The following FAM76B variants were observed in gnomAD, a reference collection of about 807,000 sequenced individuals.
FAM76B encodes protein FAM76B.
Under a neutral mutation model 51.8 loss-of-function variants are expected in FAM76B, and 16 were observed. The ratio of observed to expected loss-of-function variants is 0.31; its 90% CI spans 0.21 to 0.47. The LOEUF (loss-of-function observed/expected upper bound fraction) is 0.47, where lower values mean the gene tolerates loss of function less well. Ranked by LOEUF, FAM76B falls within the 20% of genes least tolerant of loss-of-function variation. The pLI is 1.00. For missense variants in FAM76B, 342 were observed against 392.6 expected (o/e 0.87, Z 1.09); for synonymous variants, 166 against 129.5 (o/e 1.28, Z -1.91).
chr11:95,787,732 G>A lies in FAM76B; in HGVS notation c.153-54C>T, dbSNP rs530037171. 3.2e-5 allele frequency: 45 copies of A among 1,399,174 alleles called. No individual in the cohort carries two copies. The East Asian group carries it at 9.2e-4, about 29-fold the overall frequency. The allele number at this position is 1,399,174 out of a possible 1,614,324, so 86.7% of individuals were successfully genotyped here. On this transcript the variant is annotated intron_variant, in intron 2 of 9. Coordinates refer to ENST00000358780, the MANE Select transcript of FAM76B (RefSeq NM_144664.5). ...TTTATGTAGCTTTCTAAAGTAATTA[G>A]CACAATGTCAAAATAAAATGAGTCA...
intron 2 of FAM76B, among the ~76,000 whole-genome samples, chr11:95,787,921 T>C (rs932529535): frequency 6.6e-5 from 10 of 152,236 alleles, no homozygotes; most frequent in African/African-American, 1.9e-4. Context: ...GTTTCCTATA[T>C]AGCTCCAAAA....
intron 9 of FAM76B, among the ~76,000 whole-genome samples, chr11:95,774,706 T>C (rs1330815480): frequency 1.5e-5 from 2 of 135,414 alleles, no homozygotes; most frequent in African/African-American, 2.5e-5. Context: ...CATTGACTAA[T>C]ATATAAGAAT....
chr11:95,788,778 G>T (rs2120323157), intron 1 of FAM76B: 13 of 1,446,602 alleles, frequency 9.0e-6, no homozygotes, highest in East Asian at 5.2e-5. Context: ...AGACGTGGGG[G>T]TATATTACAG....
intron 5 of FAM76B, among the ~76,000 whole-genome samples, chr11:95,781,318 C>G (rs897501046): frequency 6.6e-6 from 1 of 152,070 alleles, no homozygotes; most frequent in Non-Finnish European, 1.5e-5. Flanking sequence ...ATGAATGCTC[C>G]TCATTTTCAT....
At chr11:95,780,321 ATT>A (rs1009095425) in intron 5 of FAM76B, among the ~76,000 whole-genome samples, 2 of 151,894 alleles carry the variant, frequency 1.3e-5, no homozygotes, top group African/African-American at 4.8e-5. Context: ...TGAAGTAGAG[ATT>A]CTTCTTTTGG....
intron 4 of FAM76B, 67 bp downstream of exon 4, chr11:95,786,052 A>G: frequency 1.3e-6 from 2 of 1,556,114 alleles, no homozygotes; most frequent in Non-Finnish European, 1.7e-6. Context: ...TGTATTAATT[A>G]TAATTTCCAA....
intron 9 of FAM76B, 21 bp from the exon 10 acceptor site, chr11:95,771,671 C>T (rs555495615): frequency 4.3e-5 from 68 of 1,574,278 alleles, no homozygotes; most frequent in Non-Finnish European, 5.7e-5. Flanking sequence ...CAAAAACATT[C>T]AAGATTAAAA....
rs1287691102 is a variant in FAM76B at position 95,771,910 on chromosome 11, A to T, written c.931-260T>A. Among the ~76,000 whole-genome samples the T allele has an allele frequency of 4.0e-5, 6 of 151,200 alleles. No homozygotes were observed. The East Asian group carries it at 1.2e-3, about 29-fold the overall frequency. The stretch of plus-strand genomic sequence containing the variant: ...TGTCCAAAGATGCACAATTGGTTAC[A>T]AAAAAGGAAACAAAGTGAATCCACT... On this transcript the variant is annotated intron_variant, in intron 9 of 9. Transcript: ENST00000358780.
rs779006447 is a variant in FAM76B, at chr11:95,779,599, A to G, written c.692+8T>C. 1.2e-6 allele frequency: 2 copies of G among 1,600,340 alleles called. No individual in the cohort carries two copies. Among genetic ancestry groups the G allele is most frequent in the Admixed American group, 3.5e-5 (2 of 57,626 alleles). ...AATTTTCATAACACTAAAAGAATTC[A>G]TTTTTACCTATCTCCATTAGATGGC... On this transcript the variant is annotated splice_region_variant and intron_variant, in intron 7 of 9. Coordinates refer to ENST00000358780, the MANE Select transcript of FAM76B (RefSeq NM_144664.5).
At chr11:95,783,357 C>T in intron 4 of FAM76B, 93 bp from the exon 5 acceptor site, 16 of 1,032,034 alleles carry the variant, frequency 1.6e-5, no homozygotes, top group Non-Finnish European at 2.3e-5. Context: ...CACCTATATT[C>T]CACACGTAAC....
At position 95,789,461 on chromosome 11, in the gene FAM76B, C is replaced by G; in HGVS notation, c.18G>C (p.Leu6=). The G allele has an allele frequency of 6.2e-7, 1 of 1,608,064 alleles. No individual in the cohort carries two copies. Among genetic ancestry groups the G allele is most frequent in the Non-Finnish European group, 8.5e-7 (1 of 1,177,634 alleles). Residue 6 remains leucine, a synonymous_variant, in exon 1 of 10, where the codon CTG becomes CTC. Coordinates refer to ENST00000358780, the MANE Select transcript of FAM76B (RefSeq NM_144664.5). ...GCTGGGTACACTTGGTGCAGGCGTA[C>G]AGGGCCGAGGCCGCCATCCTGCTCC... MAASA[L]YACTKCTQRY...
intron 5 of FAM76B, 87 bp downstream of exon 5, chr11:95,782,978 T>A (rs201607708): frequency 6.6e-7 from 1 of 1,516,750 alleles, no homozygotes; most frequent in East Asian, 2.3e-5. Flanking sequence ...GACTAGCACA[T>A]AGTCAATATT....
At chr11:95,785,441 ACCAAGTTTTTATCTTCTGTTTGTTC>A in intron 4 of FAM76B, among the ~76,000 whole-genome samples, 1 of 152,310 alleles carries the variant, frequency 6.6e-6, no homozygotes, top group East Asian at 1.9e-4. Context: ...TAAAAATAAA[ACCAAGTTTTTATCTTCTGTTTGTTC>A]ACATGTATTC....
rs59241219 is a variant in FAM76B, at chr11:95,776,930, T to TA, written c.829-908dup. Among the ~76,000 whole-genome samples the TA allele has an allele frequency of 1.9e-3, 276 of 144,570 alleles. 1 individual carries two copies. The highest frequency in any genetic ancestry group is 4.5e-3 in the African/African-American group (179 of 39,958). The allele number at this position is 144,570 out of a possible 152,430, so 94.8% of individuals were successfully genotyped here. ...AAATCATGGAGTCTTATAGTCTTATTAAAAAAAAAAACCCTTGCTTTTGTC... is the reference window on the plus strand; with the variant it reads ...AAATCATGGAGTCTTATAGTCTTATTAAAAAAAAAAAACCCTTGCTTTTGTC... On this transcript the variant is annotated intron_variant, in intron 8 of 9. Transcript: ENST00000358780.
In FAM76B at chr11:95,783,152, G is replaced by A. The variant is rs1860366780; in HGVS notation, c.476C>T (p.Ser159Leu). ...LGSSHSNSSS[S>L]SLTEKDQHHP... is the part of the protein sequence containing the mutation. Reference sequence around the variant, plus strand: ...ATGCTGGTCTTTCTCAGTAAGAGATGAAGAAGATGAATTTGAATGTGAAGA... The same window carrying A: ...ATGCTGGTCTTTCTCAGTAAGAGATAAAGAAGATGAATTTGAATGTGAAGA... The change falls in exon 5 of 10, where the codon TCA becomes TTA. Residue 159 changes from serine to leucine, a missense_variant. Physicochemically the swap from Ser to Leu is moderately radical, Grantham distance 145 (BLOSUM62 -2). This residue lies in a region of FAM76B where 230 missense variants were observed against 257.4 expected (regional missense o/e 0.89). Coordinates refer to ENST00000358780, the MANE Select transcript of FAM76B (RefSeq NM_144664.5). 6.2e-7 allele frequency: 1 copy of A among 1,613,370 alleles called. No individual in the cohort carries two copies. Among genetic ancestry groups the A allele is most frequent in the Non-Finnish European group, 8.5e-7 (1 of 1,179,472 alleles).
At chr11:95,788,334 G>A (rs953494141) in intron 2 of FAM76B, among the ~76,000 whole-genome samples, 165 bp downstream of exon 2, 7 of 151,520 alleles carry the variant, frequency 4.6e-5, no homozygotes, top group African/African-American at 1.7e-4. Context: ...GGTTTTTTTC[G>A]CAACATTCTC....
At chr11:95,776,720 TATA>T (rs1860028837) in intron 8 of FAM76B, among the ~76,000 whole-genome samples, 1 of 151,400 alleles carries the variant, frequency 6.6e-6, no homozygotes, top group Non-Finnish European at 1.5e-5. Flanking sequence ...TACCTAACAG[TATA>T]ATATCTCATG....
intron 9 of FAM76B, among the ~76,000 whole-genome samples, chr11:95,775,405 T>C (rs1446027740): frequency 6.6e-6 from 1 of 151,340 alleles, no homozygotes; most frequent in African/African-American, 2.4e-5. Context: ...CACTACCTGT[T>C]AGCATTTAGC....
At chr11:95,787,242 T>G (rs78040382) in intron 3 of FAM76B, among the ~76,000 whole-genome samples, 9,909 of 152,274 alleles carry the variant, frequency 0.065, 413 homozygotes, top group Middle Eastern at 0.13. Context: ...AGCAGTAGTT[T>G]TTTTTTTTCG....
Sources: allele counts gnomAD v4.1 joint callset (sites outside exome capture counted in the v4.1 genomes callset), GRCh38; gene constraint gnomAD v4.1.1; regional missense constraint gnomAD v4.1.1; transcripts MANE v1.5; gene names NCBI Gene and HGNC (gene_info 2026-07-23, HGNC 2026-07-21).